The following LGSN variants were observed in gnomAD, a reference collection of about 807,000 sequenced individuals.
LGSN encodes the protein lengsin.
In LGSN, 21 loss-of-function variants were observed where a neutral mutation model predicts 19.5. The ratio of observed to expected loss-of-function variants is 1.07; its 90% CI spans 0.76 to 1.55. LGSN has a LOEUF of 1.55. Among genes scored for constraint, LGSN ranks in the 40% most tolerant of loss-of-function variants. The pLI is 0.00. For synonymous variants in LGSN, 257 were observed against 215.6 expected, an observed-to-expected ratio of 1.19 and a Z score of -1.68; for missense variants, 673 against 608.5, an observed-to-expected ratio of 1.11 and a Z score of -1.12.
the LGSN span, chr6:63,570,874 A>T: frequency 6.6e-6 from 1 of 152,202 alleles, no homozygotes; most frequent in Non-Finnish European, 1.5e-5. Flanking sequence ...GCCATATAAA[A>T]GTTTTTAGTT....
Position 63,280,187 on chromosome 6 carries a change from A to T in LGSN, c.1364T>A (p.Ile455Asn), listed in dbSNP as rs760190481. ...AAGGGCATCTTCTAGTTTTAAAGGG[A>T]TCTCAGAAGGTTCCACTTGGTAAAA... Reference protein sequence around the residue: ...TDFYQVEPSEIPLKLEDALVA... With the variant: ...TDFYQVEPSENPLKLEDALVA... The change falls in exon 4 of 4, where the codon ATC becomes AAC. Residue 455 changes from isoleucine to asparagine, a missense_variant. Ile to Asn is a moderately radical substitution (Grantham distance 149). Coordinates refer to ENST00000370657, the MANE Select transcript of LGSN (RefSeq NM_016571.3). The T allele has an allele frequency of 1.9e-6, 3 of 1,614,202 alleles. No individual in the cohort carries two copies. The highest frequency in any genetic ancestry group is 2.5e-6 in the Non-Finnish European group (3 of 1,180,044).
chr6:63,308,454 G>A (rs1233122575), intron 1 of LGSN, among the ~76,000 whole-genome samples: 1 of 151,986 alleles, frequency 6.6e-6, no homozygotes, highest in African/African-American at 2.4e-5. Context: ...ACTAAAAAAC[G>A]CTTAACCTAA....
chr6:63,438,639 T>C, the LGSN span, among the ~76,000 whole-genome samples: 2 of 152,030 alleles, frequency 1.3e-5, no homozygotes. Flanking sequence ...GAAATGCAAA[T>C]CAAAACCACA....
At chr6:63,327,285 G>T in the LGSN span, among the ~76,000 whole-genome samples, 1 of 152,172 alleles carries the variant, frequency 6.6e-6, no homozygotes, top group Admixed American at 6.5e-5. Flanking sequence ...TGACAAGAAG[G>T]TTAAAAATAC....
At chr6:63,491,771 C>T in the LGSN span, among the ~76,000 whole-genome samples, 1 of 152,198 alleles carries the variant, frequency 6.6e-6, no homozygotes, top group Non-Finnish European at 1.5e-5. Context: ...TGGCTCACGC[C>T]TGTAATCCCA....
the LGSN span, chr6:63,396,707 G>T: frequency 6.5e-6 from 1 of 153,302 alleles, no homozygotes; most frequent in South Asian, 1.9e-4. Flanking sequence ...GGGAAAGACA[G>T]GACCTTGGGA....
chr6:63,522,149 C>T, the LGSN span, among the ~76,000 whole-genome samples: 4 of 152,318 alleles, frequency 2.6e-5, no homozygotes, highest in East Asian at 5.8e-4. Context: ...CTTGAATTTC[C>T]TTATCCCAAC....
At chr6:63,354,408 C>T in the LGSN span, among the ~76,000 whole-genome samples, 5 of 152,108 alleles carry the variant, frequency 3.3e-5, no homozygotes, top group Non-Finnish European at 5.9e-5. Flanking sequence ...CGTCACTAAT[C>T]ATCAGGGAAA....
chr6:63,286,812 T>C (rs1227809734), intron 2 of LGSN, among the ~76,000 whole-genome samples: 1 of 152,226 alleles, frequency 6.6e-6, no homozygotes, highest in Admixed American at 6.5e-5. Context: ...TTATCCTTTT[T>C]ATGACTTGAC....
At chr6:63,457,965 G>A in the LGSN span, among the ~76,000 whole-genome samples, 11 of 151,994 alleles carry the variant, frequency 7.2e-5, no homozygotes, top group Non-Finnish European at 1.3e-4. Flanking sequence ...CAAGGCACTA[G>A]GTTGGAAACC....
the LGSN span, among the ~76,000 whole-genome samples, chr6:63,412,493 A>G: frequency 2.1e-5 from 2 of 97,342 alleles, no homozygotes; most frequent in Admixed American, 1.1e-4. Flanking sequence ...GAAGAAAGAA[A>G]GAAAGAAAGA....
the LGSN span, among the ~76,000 whole-genome samples, chr6:63,418,493 G>A: frequency 5.9e-5 from 9 of 152,254 alleles, no homozygotes; most frequent in South Asian, 8.3e-4. Context: ...CCCAGGAGGC[G>A]GAGGTTGCAG....
At position 63,310,449 on chromosome 6, in the gene LGSN, C is replaced by T. The variant is rs1768578285; in HGVS notation, c.30+9465G>A. ...TAAGCTATTAGGATATATATTATCT[C>T]CCATTTTTTGTGGTGAAAACACTGA... On this transcript the variant is annotated intron_variant, in intron 1 of 3. Coordinates refer to ENST00000370657, the MANE Select transcript of LGSN (RefSeq NM_016571.3). Among the ~76,000 whole-genome samples, 3 of 151,886 alleles carry T rather than the reference C, an allele frequency of 2.0e-5. No individual in the cohort carries two copies. The South Asian group carries it at 6.2e-4, about 32-fold the overall frequency.
chr6:63,407,240 A>G, the LGSN span, among the ~76,000 whole-genome samples: 13 of 152,180 alleles, frequency 8.5e-5, no homozygotes, highest in African/African-American at 3.1e-4. Context: ...AGAGAATTTT[A>G]GACCAATATC....
the LGSN span, among the ~76,000 whole-genome samples, chr6:63,499,516 T>C: frequency 1.3e-5 from 2 of 152,098 alleles, no homozygotes; most frequent in Non-Finnish European, 2.9e-5. Context: ...TATTTCCTCA[T>C]AGTAGGTTCT....
At chr6:63,455,951 C>G in the LGSN span, among the ~76,000 whole-genome samples, 4 of 148,142 alleles carry the variant, frequency 2.7e-5, no homozygotes, top group South Asian at 9.5e-4. Context: ...AAACAAGAGC[C>G]AGGTGCAGTG....
the LGSN span, chr6:63,481,753 T>C: frequency 3.9e-6 from 1 of 254,582 alleles, no homozygotes; most frequent in Non-Finnish European, 7.7e-6. Flanking sequence ...TACAGTGGGA[T>C]ACGGAATTTT....
chr6:63,484,865 A>G, the LGSN span, among the ~76,000 whole-genome samples: 513 of 152,310 alleles, frequency 3.4e-3, 6 homozygotes, highest in Non-Finnish European at 3.4e-3. Flanking sequence ...AATTTGTTTC[A>G]GTATGTTAGA....
At chr6:63,573,049 C>G in the LGSN span, among the ~76,000 whole-genome samples, 2 of 152,066 alleles carry the variant, frequency 1.3e-5, no homozygotes, top group African/African-American at 4.8e-5. Context: ...GCTTCCGCAG[C>G]GGGCCGGGTG....
Sources: allele counts gnomAD v4.1 joint callset (sites outside exome capture counted in the v4.1 genomes callset), GRCh38; gene constraint gnomAD v4.1.1; transcripts MANE v1.5; gene names NCBI Gene and HGNC (gene_info 2026-07-23, HGNC 2026-07-21).